Variants in KNSTRN observed in about 807,000 individuals in gnomAD.
KNSTRN encodes the protein kinetochore localized astrin (SPAG5) binding protein, also known as small kinetochore-associated protein.
A neutral mutation model predicts 44.7 loss-of-function variants in KNSTRN; 38 were observed. The ratio of observed to expected loss-of-function variants is 0.85; its 90% CI spans 0.66 to 1.11. The LOEUF is 1.11. KNSTRN is among the 50% of genes most tolerant of loss of function. The pLI is 0.00. For synonymous variants in KNSTRN, 158 were observed against 148.1 expected (o/e 1.07, Z -0.48); for missense variants, 406 against 375.8 (o/e 1.08, Z -0.66).
intron 4 of KNSTRN, 197 bp from the exon 5 acceptor site, chr15:40,389,309 T>C (rs1889957083): frequency 1.9e-6 from 1 of 527,598 alleles, no homozygotes; most frequent in African/African-American, 1.9e-5. Flanking sequence ...CCACCACGCC[T>C]GACTAATCTT....
At chr15:40,391,419 A>T (rs894137399) in intron 6 of KNSTRN, 74 bp from the exon 7 acceptor site, 1 of 1,186,780 alleles carries the variant, frequency 8.4e-7, no homozygotes, top group African/African-American at 1.5e-5. Flanking sequence ...GTACTTGTCC[A>T]CGGAGGGTTT....
chr15:40,386,519 G>A, intron 3 of KNSTRN, 25 bp downstream of exon 3: 1 of 1,607,004 alleles, frequency 6.2e-7, no homozygotes, highest in South Asian at 1.1e-5. Flanking sequence ...TTAGTATCCA[G>A]TTAGAACATC....
rs779438003 is a variant in KNSTRN at position 40,389,872 on chromosome 15, CT to C, written c.629del (p.Leu210ArgfsTer21). On this transcript the variant is annotated frameshift_variant, in exon 6 of 9. Transcript: ENST00000249776. LOFTEE classifies it high-confidence loss of function. ...GGACCTGACCCAGAAGGTAGAGCTG[CT>C]GGAGAAGTTTCGGGACAACTGTTTG... The part of the protein sequence containing the change: ...LKDLTQKVEL[L>X]EKFRDNCLAI... 232 of 1,614,106 alleles carry C rather than the reference CT, an allele frequency of 1.4e-4. No homozygotes were observed. Among genetic ancestry groups the C allele is most frequent in the Non-Finnish European group, 1.9e-4 (223 of 1,180,038 alleles).
chr15:40,389,906 T>G lies in KNSTRN; in HGVS notation c.662T>G (p.Leu221Trp). Residue 221 changes from leucine to tryptophan, a missense_variant, in exon 6 of 9, where the codon TTG (leucine) becomes TGG (tryptophan). Leu to Trp is a moderately conservative substitution (Grantham distance 61, BLOSUM62 -2). Transcript: ENST00000249776. Reference protein sequence around the residue: ...EKFRDNCLAILESKGLDPALG... With the variant: ...EKFRDNCLAIWESKGLDPALG... ...TTTCGGGACAACTGTTTGGCAATTT[T>G]GGAGAGCAAGGGCCTTGATCCAGGT... The G allele has an allele frequency of 6.2e-7, 1 of 1,614,180 alleles. No homozygotes were observed. The highest frequency in any genetic ancestry group is 1.1e-5 in the South Asian group (1 of 91,080).
intron 8 of KNSTRN, 101 bp from the exon 9 acceptor site, chr15:40,393,368 A>C: frequency 6.3e-7 from 1 of 1,590,714 alleles, no homozygotes; most frequent in South Asian, 1.2e-5. Flanking sequence ...GGTCTTCCTT[A>C]GTGGAATAGG....
chr15:40,390,803 TG>T (rs544505704), intron 6 of KNSTRN, among the ~76,000 whole-genome samples: 334 of 152,094 alleles, frequency 2.2e-3, no homozygotes, highest in African/African-American at 7.7e-3. Context: ...TTAGTAGAGA[TG>T]GGGTTTTGCC....
At position 40,393,641 on chromosome 15, in the gene KNSTRN, TCA is replaced by T. The variant is rs1429249173; in HGVS notation, c.*45_*46del. The T allele has an allele frequency of 1.3e-5, 21 of 1,577,268 alleles. No homozygotes were observed. The highest frequency in any genetic ancestry group is 1.8e-5 in the Non-Finnish European group (21 of 1,154,710). On this transcript the variant is annotated 3_prime_UTR_variant, in exon 9 of 9. Transcript: ENST00000249776. ...ATGGCTCCCTCTTGGGCATAAAATC[TCA>T]GAGGAAGCTACTTAGGACATCATCT...
In KNSTRN at chr15:40,382,939, T is replaced by G. The variant is rs1228267376; in HGVS notation, c.104T>G (p.Leu35Arg). ...CTTCCGCCTAGCTACCGGAAGTTTC[T>G]ATTTGAAACCCAGGCGGCCGACTTA... ...HPLPPSYRKF[L>R]FETQAADLAG... Residue 35 changes from leucine to arginine, a missense_variant, in exon 1 of 9, where the codon CTA becomes CGA. Physicochemically the swap from Leu to Arg is moderately radical, Grantham distance 102 (BLOSUM62 -2). Transcript: ENST00000249776. 3 of 1,612,204 alleles carry G rather than the reference T, an allele frequency of 1.9e-6. No homozygotes were observed. The highest frequency in any genetic ancestry group is 4.5e-5 in the East Asian group (2 of 44,904).
At chr15:40,387,096 G>C (rs1014420986) in intron 3 of KNSTRN, 63 bp from the exon 4 acceptor site, 37 of 1,241,320 alleles carry the variant, frequency 3.0e-5, no homozygotes, top group Non-Finnish European at 3.5e-5. Flanking sequence ...TGTTCTGCCT[G>C]TTCACAGCAC....
chr15:40,389,209 C>T (rs1034184271), intron 4 of KNSTRN: 14 of 473,642 alleles, frequency 3.0e-5, no homozygotes, highest in East Asian at 6.1e-5. Flanking sequence ...AGTGCAATGG[C>T]GCAATCTCAG....
At chr15:40,391,392 C>T (rs868819906) in intron 6 of KNSTRN, 101 bp from the exon 7 acceptor site, 4 of 910,474 alleles carry the variant, frequency 4.4e-6, no homozygotes, top group Non-Finnish European at 6.9e-6. Flanking sequence ...AGAGAAATTC[C>T]CCTCATGAAT....
chr15:40,391,421 G>A lies in KNSTRN; in HGVS notation c.686-72G>A, dbSNP rs1414932894. 9.2e-6 allele frequency: 11 copies of A among 1,201,462 alleles called. No homozygotes were observed. The highest frequency in any genetic ancestry group is 6.1e-5 in the South Asian group (5 of 81,896). 74.4% of individuals were successfully genotyped at this position (1,201,462 alleles called of 1,614,324 possible). A position where few individuals can be genotyped will look rare whatever the true frequency, so the allele number is the denominator to read the frequency against. ...CATGAATATTTCTGTACTTGTCCACGGAGGGTTTTTATTTTCTTTTGTTTA... is the reference window on the plus strand; with the variant it reads ...CATGAATATTTCTGTACTTGTCCACAGAGGGTTTTTATTTTCTTTTGTTTA... On this transcript the variant is annotated intron_variant, in intron 6 of 8. Transcript: ENST00000249776.
chr15:40,393,120 A>G (rs1890029869), intron 8 of KNSTRN: 1 of 1,509,402 alleles, frequency 6.6e-7, no homozygotes, highest in Non-Finnish European at 9.2e-7. Flanking sequence ...TATGTAATCC[A>G]TTCTATGGAA....
rs772662981 is a variant in KNSTRN at position 40,391,540 on chromosome 15, C to G, written c.733C>G (p.His245Asp). The G allele has an allele frequency of 2.5e-6, 4 of 1,613,794 alleles. No homozygotes were observed. The highest frequency in any genetic ancestry group is 2.5e-6 in the Non-Finnish European group (3 of 1,179,742). ...ATCACGACAAGAATCCACTACTGAT[C>G]ACATGGACTCTATGGTGAGGGCATG... ...LASRQESTTD[H>D]MDSMLLLETL... Residue 245 changes from histidine (H) to aspartate (D), a missense_variant, in exon 7 of 9, where the codon CAC (histidine) becomes GAC (aspartate). His to Asp is a moderately conservative substitution (Grantham distance 81). Coordinates refer to ENST00000249776, the MANE Select transcript of KNSTRN (RefSeq NM_033286.4).
chr15:40,383,116 T>G, intron 1 of KNSTRN, 72 bp downstream of exon 1: 8 of 1,595,742 alleles, frequency 5.0e-6, no homozygotes, highest in Non-Finnish European at 6.0e-6. Context: ...AAGGAGGATT[T>G]TCTCTTTTCC....
chr15:40,393,670 G>C lies in KNSTRN; in HGVS notation c.*73G>C. The C allele has an allele frequency of 7.2e-7, 1 of 1,388,978 alleles. No homozygotes were observed. The highest frequency in any genetic ancestry group is 1.0e-6 in the Non-Finnish European group (1 of 1,004,700). 86.0% of individuals were successfully genotyped at this position (1,388,978 alleles called of 1,614,324 possible). On this transcript the variant is annotated 3_prime_UTR_variant, in exon 9 of 9. Transcript: ENST00000249776. ...AGGAAGCTACTTAGGACATCATCTTGGCCATGATCTTCTGGGACTCACCAT... is the reference window on the plus strand; with the variant it reads ...AGGAAGCTACTTAGGACATCATCTTCGCCATGATCTTCTGGGACTCACCAT...
intron 2 of KNSTRN, among the ~76,000 whole-genome samples, chr15:40,385,910 T>C (rs948804617): frequency 1.3e-5 from 2 of 152,214 alleles, no homozygotes; most frequent in Non-Finnish European, 2.9e-5. Context: ...AGCCTGGAAG[T>C]TTTATTCTTT....
At chr15:40,384,136 G>C (rs1889861997) in intron 2 of KNSTRN, 1 of 199,114 alleles carries the variant, frequency 5.0e-6, no homozygotes, top group Non-Finnish European at 1.1e-5. Flanking sequence ...CACTTTGGGA[G>C]GGCGAGGTGG....
Position 40,393,537 on chromosome 15 carries a change from CA to C in KNSTRN, c.893del (p.Asn298IlefsTer3). ...TCCTAGAACAGCAAACCTTATGTAA[CA>C]ATCAAGTAAATGATTTAACAACAGC... ...RFLEQQTLCN[N>X]QVNDLTTALK... On this transcript the variant is annotated frameshift_variant, in exon 9 of 9. Coordinates refer to ENST00000249776, the MANE Select transcript of KNSTRN (RefSeq NM_033286.4). LOFTEE classifies it high-confidence loss of function. 1 of 1,614,030 alleles carries C rather than the reference CA, an allele frequency of 6.2e-7. No homozygotes were observed. Among genetic ancestry groups the C allele is most frequent in the Non-Finnish European group, 8.5e-7 (1 of 1,179,972 alleles).
Sources: allele counts gnomAD v4.1 joint callset (sites outside exome capture counted in the v4.1 genomes callset), GRCh38; gene constraint gnomAD v4.1.1; transcripts MANE v1.5; gene names NCBI Gene and HGNC (gene_info 2026-07-23, HGNC 2026-07-21).